The following DOCK2 variants were observed in gnomAD, a reference collection of about 807,000 sequenced individuals.
The protein encoded by DOCK2 is dedicator of cytokinesis 2.
In DOCK2, 87 loss-of-function variants were observed where a neutral mutation model predicts 248.9. That is an observed-to-expected ratio of 0.35 (90% CI 0.29 to 0.42). DOCK2 has a LOEUF of 0.42. Ranked by LOEUF, DOCK2 falls within the 10% of genes least tolerant of loss-of-function variation. DOCK2 has a pLI of 1.00. For missense variants in DOCK2, 1,747 were observed against 2,300.2 expected, an observed-to-expected ratio of 0.76 and a Z score of 4.92; for synonymous variants, 805 against 821.6, an observed-to-expected ratio of 0.98 and a Z score of 0.35.
At chr5:169,916,760 A>T (rs1444146196) in intron 27 of DOCK2, among the ~76,000 whole-genome samples, 4 of 152,232 alleles carry the variant, frequency 2.6e-5, no homozygotes, top group African/African-American at 9.6e-5. Context: ...TTTGGCATAT[A>T]TAAGTCATTT....
intron 27 of DOCK2, among the ~76,000 whole-genome samples, chr5:169,893,298 G>GA (rs1393686557): frequency 6.6e-6 from 1 of 152,118 alleles, no homozygotes; most frequent in Non-Finnish European, 1.5e-5. Flanking sequence ...TTCTCCAGGG[G>GA]AAAGCCTTTA....
intron 43 of DOCK2, chr5:170,057,354 GTACT>G: frequency 1.7e-6 from 1 of 594,480 alleles, no homozygotes; most frequent in Non-Finnish European, 3.0e-6. Flanking sequence ...ACCCAGGTTA[GTACT>G]TACTTGGCCT....
Position 169,966,915 on chromosome 5 carries a change from C to T in DOCK2, c.2800-16153C>T, listed in dbSNP as rs769486155. ...AAAGAGAGCCCTTCACCAATCCATG[C>T]GCCATCAAATTAGACTTAAATTAAC... On this transcript the variant is annotated intron_variant, in intron 27 of 51. Coordinates refer to ENST00000520908, the MANE Select transcript of DOCK2 (RefSeq NM_004946.3). Among the ~76,000 whole-genome samples, 38 of 152,182 alleles carry T rather than the reference C, an allele frequency of 2.5e-4. 1 individual carries two copies. Among genetic ancestry groups the T allele is most frequent in the Admixed American group, 1.5e-3 (23 of 15,280 alleles).
intron 25 of DOCK2, among the ~76,000 whole-genome samples, chr5:169,799,496 G>T (rs753470547): frequency 2.6e-5 from 4 of 152,110 alleles, no homozygotes; most frequent in Non-Finnish European, 4.4e-5. Context: ...GCAAACAAAA[G>T]ATTGCAAAAT....
At chr5:169,807,496 C>A (rs1272829645) in intron 26 of DOCK2, among the ~76,000 whole-genome samples, 2 of 151,972 alleles carry the variant, frequency 1.3e-5, no homozygotes, top group Non-Finnish European at 2.9e-5. Flanking sequence ...ATTCTCAGTT[C>A]TTTACCTTCT....
chr5:170,029,396 A>G (rs371065013), intron 34 of DOCK2, among the ~76,000 whole-genome samples: 30 of 152,158 alleles, frequency 2.0e-4, no homozygotes, highest in African/African-American at 6.3e-4. Flanking sequence ...TCGCTTGTAT[A>G]TCTTTGGAGA....
intron 27 of DOCK2, among the ~76,000 whole-genome samples, chr5:169,849,256 C>T (rs1172776110): frequency 6.6e-6 from 1 of 152,216 alleles, no homozygotes; most frequent in African/African-American, 2.4e-5. Flanking sequence ...CTTACTTCAC[C>T]TGCATCAGGT....
chr5:170,045,989 C>G (rs10060018), intron 39 of DOCK2, 84 bp downstream of exon 39: 27,820 of 1,286,062 alleles, frequency 0.022, 826 homozygotes, highest in African/African-American at 0.13. Flanking sequence ...GGGAGATGGG[C>G]ATGAGGGCCA....
intron 30 of DOCK2, among the ~76,000 whole-genome samples, chr5:170,004,280 C>T (rs1370908884): frequency 2.0e-5 from 3 of 152,200 alleles, no homozygotes; most frequent in African/African-American, 4.8e-5. Flanking sequence ...AACTAGTTTA[C>T]AGTCCCACCA....
At chr5:169,973,067 C>T (rs922323694) in intron 27 of DOCK2, among the ~76,000 whole-genome samples, 8 of 152,146 alleles carry the variant, frequency 5.3e-5, no homozygotes, top group Non-Finnish European at 1.2e-4. Context: ...ACCTTCACTC[C>T]TCTTCACTCC....
chr5:169,928,844 A>C (rs370083324), intron 27 of DOCK2, among the ~76,000 whole-genome samples: 4 of 152,246 alleles, frequency 2.6e-5, no homozygotes, highest in African/African-American at 9.6e-5. Flanking sequence ...CTCAGTGATG[A>C]AAATTATTAA....
rs181376440 is a variant in DOCK2 at position 170,043,004 on chromosome 5, G to T, written c.3876+872G>T. Among the ~76,000 whole-genome samples the T allele has an allele frequency of 4.5e-3, 681 of 152,316 alleles. 9 individuals carry two copies. The highest frequency in any genetic ancestry group is 5.9e-3 in the Non-Finnish European group (399 of 68,032). The stretch of plus-strand genomic sequence containing the variant: ...AATGAACTGAATGGATAAATGACAT[G>T]CAGTGTCATCCTTGATCTTTAAACA... On this transcript the variant is annotated intron_variant, in intron 38 of 51. Transcript: ENST00000520908.
At chr5:169,786,123 T>A (rs1484244038) in intron 25 of DOCK2, among the ~76,000 whole-genome samples, 2 of 152,224 alleles carry the variant, frequency 1.3e-5, no homozygotes, top group African/African-American at 2.4e-5. Flanking sequence ...TATCAAAGAT[T>A]AACATGATAA....
intron 45 of DOCK2, 34 bp from the exon 46 acceptor site, chr5:170,069,103 C>T (rs368227268): frequency 1.3e-4 from 213 of 1,596,756 alleles, no homozygotes; most frequent in Non-Finnish European, 1.7e-4. Flanking sequence ...GCCACATGAA[C>T]AGGAAACCCT....
rs144394946 is a variant in DOCK2, at chr5:169,751,989, G to A, written c.2376+4485G>A. Among the ~76,000 whole-genome samples, 1,183 of 127,736 alleles carry A rather than the reference G, an allele frequency of 9.3e-3. 10 individuals are homozygous for A. The highest frequency in any genetic ancestry group is 0.013 in the Non-Finnish European group (890 of 66,460). 83.8% of individuals were successfully genotyped at this position (127,736 alleles called of 152,430 possible). ...TCCATCCAGGTCATCTGCCTCCAAA[G>A]CACTATTCTCTATGCCACAGGTAAG... On this transcript the variant is annotated intron_variant, in intron 23 of 51. Transcript: ENST00000520908.
chr5:170,082,021 G>C, intron 51 of DOCK2, 37 bp downstream of exon 51: 1 of 1,607,780 alleles, frequency 6.2e-7, no homozygotes, highest in Non-Finnish European at 8.5e-7. Flanking sequence ...GGAAGGCATT[G>C]GGAGGAGAAA....
chr5:170,004,744 A>G (rs1754958465), intron 30 of DOCK2, among the ~76,000 whole-genome samples: 1 of 147,856 alleles, frequency 6.8e-6, no homozygotes, highest in Non-Finnish European at 1.5e-5. Flanking sequence ...GCCATAAAAA[A>G]TGATGAGTTC....
chr5:169,926,693 A>G (rs573056231), intron 27 of DOCK2, among the ~76,000 whole-genome samples: 11 of 152,348 alleles, frequency 7.2e-5, no homozygotes, highest in African/African-American at 2.4e-4. Flanking sequence ...CTCAAAGATT[A>G]TTTAAAGAAA....
chr5:169,807,783 G>A (rs1452728732), intron 26 of DOCK2, among the ~76,000 whole-genome samples: 2 of 127,670 alleles, frequency 1.6e-5, no homozygotes, highest in Non-Finnish European at 3.1e-5. Context: ...GCAGTGAGCC[G>A]AGATCATGGC....
Sources: allele counts gnomAD v4.1 joint callset (sites outside exome capture counted in the v4.1 genomes callset), GRCh38; gene constraint gnomAD v4.1.1; transcripts MANE v1.5; gene names NCBI Gene and HGNC (gene_info 2026-07-23, HGNC 2026-07-21).